The following MACROD2 variants were observed in gnomAD, a reference collection of about 807,000 sequenced individuals.
MACROD2 encodes the protein ADP-ribose glycohydrolase MACROD2.
MACROD2 carries 36 observed loss-of-function variants against 70.4 expected under a neutral mutation model. The observed-to-expected ratio is 0.51, with a 90% CI of 0.39 to 0.68. MACROD2 has a LOEUF of 0.68. Ranked by LOEUF, MACROD2 falls within the 30% of genes least tolerant of loss-of-function variation. The pLI is 0.00. For missense variants in MACROD2, 496 were observed against 538.4 expected, an observed-to-expected ratio of 0.92 and a Z score of 0.78; for synonymous variants, 172 against 178.8, an observed-to-expected ratio of 0.96 and a Z score of 0.30.
chr20:14,988,529 G>A (rs1289998446), intron 5 of MACROD2, among the ~76,000 whole-genome samples: 1 of 151,972 alleles, frequency 6.6e-6, no homozygotes, highest in African/African-American at 2.4e-5. Context: ...AGGAAGGAAG[G>A]GTTTCTTCAG....
intron 7 of MACROD2, among the ~76,000 whole-genome samples, chr20:15,495,255 C>A (rs1486648570): frequency 6.6e-6 from 1 of 152,168 alleles, no homozygotes; most frequent in African/African-American, 2.4e-5. Flanking sequence ...ATTTATAACC[C>A]CGGAGGTCTT....
At chr20:15,031,478 G>C (rs2075273754) in intron 5 of MACROD2, among the ~76,000 whole-genome samples, 1 of 152,172 alleles carries the variant, frequency 6.6e-6, no homozygotes, top group South Asian at 2.1e-4. Flanking sequence ...GCTCTTCCTT[G>C]AGTGACAGAA....
intron 5 of MACROD2, among the ~76,000 whole-genome samples, chr20:15,146,767 G>C (rs901216090): frequency 6.6e-6 from 1 of 152,098 alleles, no homozygotes; most frequent in African/African-American, 2.4e-5. Flanking sequence ...AAAGGAAAAT[G>C]ATCTTTTGTT....
intron 12 of MACROD2, among the ~76,000 whole-genome samples, chr20:15,948,625 G>A (rs2065862498): frequency 6.6e-6 from 1 of 151,960 alleles, no homozygotes; most frequent in African/African-American, 2.4e-5. Context: ...TTCACTTTCA[G>A]ACTTTGATAT....
At position 14,095,188 on chromosome 20, in the gene MACROD2, C is replaced by G. The variant is rs149518703; in HGVS notation, c.271+9460C>G. 2.0e-4 allele frequency among the ~76,000 whole-genome samples: 30 copies of G among 152,070 alleles called. No individual in the cohort carries two copies. The East Asian group carries it at 5.8e-3, about 29-fold the overall frequency. On this transcript the variant is annotated intron_variant, in intron 3 of 17. Coordinates refer to ENST00000684519, the MANE Select transcript of MACROD2 (RefSeq NM_001351661.2). Reference sequence around the variant, plus strand: ...TCTAATATCAGTTCACTTATGAAGGCCACCGAAATGATTTGGATACATTTG... The same window carrying G: ...TCTAATATCAGTTCACTTATGAAGGGCACCGAAATGATTTGGATACATTTG...
chr20:15,865,701 A>C, intron 9 of MACROD2, among the ~76,000 whole-genome samples: 1 of 152,206 alleles, frequency 6.6e-6, no homozygotes, highest in South Asian at 2.1e-4. Flanking sequence ...ACCAAAATGC[A>C]CAAAACAGAA....
At chr20:14,916,685 G>A (rs1384138311) in intron 5 of MACROD2, among the ~76,000 whole-genome samples, 1 of 152,080 alleles carries the variant, frequency 6.6e-6, no homozygotes, top group Non-Finnish European at 1.5e-5. Flanking sequence ...GAGAGATGTG[G>A]GTGTATGCAT....
At chr20:15,966,536 G>A (rs935883532) in intron 12 of MACROD2, among the ~76,000 whole-genome samples, 1 of 152,146 alleles carries the variant, frequency 6.6e-6, no homozygotes, top group Non-Finnish European at 1.5e-5. Flanking sequence ...GAGGCCAGGA[G>A]TTCAAGACCA....
At chr20:14,760,189 C>G (rs796642127) in intron 5 of MACROD2, among the ~76,000 whole-genome samples, 2 of 152,148 alleles carry the variant, frequency 1.3e-5, no homozygotes, top group African/African-American at 4.8e-5. Context: ...CACAGGTCCC[C>G]ACGTTTCCTG....
At chr20:15,877,440 G>GA (rs543763042) in intron 9 of MACROD2, among the ~76,000 whole-genome samples, 10 of 149,502 alleles carry the variant, frequency 6.7e-5, no homozygotes, top group Admixed American at 2.0e-4. Context: ...TCAGTTGAAG[G>GA]AAAAAAAAAA....
intron 5 of MACROD2, chr20:14,850,210 A>G: frequency 3.4e-6 from 1 of 296,226 alleles, no homozygotes; most frequent in South Asian, 2.9e-5. Flanking sequence ...AGACTGGAAG[A>G]TGAACATCTC....
chr20:15,011,522 C>T (rs1016853058), intron 5 of MACROD2, among the ~76,000 whole-genome samples: 1 of 152,154 alleles, frequency 6.6e-6, no homozygotes, highest in Non-Finnish European at 1.5e-5. Context: ...ACATAGTACT[C>T]TTTGTTCCCC....
At chr20:15,614,905 A>G (rs552378075) in intron 8 of MACROD2, among the ~76,000 whole-genome samples, 1 of 152,340 alleles carries the variant, frequency 6.6e-6, no homozygotes, top group East Asian at 1.9e-4. Flanking sequence ...CTTGCTTTAA[A>G]AATAAAATTC....
intron 3 of MACROD2, among the ~76,000 whole-genome samples, chr20:14,231,682 C>A (rs1167462887): frequency 6.6e-6 from 1 of 152,124 alleles, no homozygotes. Flanking sequence ...GTTAAATGGT[C>A]TTTCTAGTTC....
chr20:16,032,845 A>G (rs1379639173), intron 15 of MACROD2, among the ~76,000 whole-genome samples: 1 of 151,684 alleles, frequency 6.6e-6, no homozygotes, highest in Non-Finnish European at 1.5e-5. Context: ...GGAAGAAACA[A>G]AAGGAAAATG....
chr20:15,260,676 A>C (rs2077241376), intron 6 of MACROD2, among the ~76,000 whole-genome samples: 1 of 151,750 alleles, frequency 6.6e-6, no homozygotes, highest in South Asian at 2.1e-4. Flanking sequence ...TTAGTTCTTG[A>C]AGGAACCTCC....
At chr20:15,975,115 AAAG>A (rs1305806071) in intron 13 of MACROD2, among the ~76,000 whole-genome samples, 3 of 152,164 alleles carry the variant, frequency 2.0e-5, no homozygotes, top group Admixed American at 2.0e-4. Flanking sequence ...ATAATTCACA[AAAG>A]AAGATATACA....
chr20:14,335,584 T>C (rs2082921158), intron 3 of MACROD2, among the ~76,000 whole-genome samples: 1 of 152,196 alleles, frequency 6.6e-6, no homozygotes, highest in Non-Finnish European at 1.5e-5. Context: ...ACGTTATGTT[T>C]GGGAAGTGTT....
intron 8 of MACROD2, among the ~76,000 whole-genome samples, chr20:15,752,661 A>G (rs2051290094): frequency 6.6e-6 from 1 of 152,160 alleles, no homozygotes; most frequent in African/African-American, 2.4e-5. Context: ...AGCAAATGTC[A>G]TTTCTTGTAT....
Sources: gnomAD v4.1 joint callset for allele counts (sites outside exome capture counted in the v4.1 genomes callset) on GRCh38, gnomAD v4.1.1 for gene constraint, MANE v1.5 for transcripts, NCBI Gene and HGNC (gene_info 2026-07-23, HGNC 2026-07-21) for gene names.